Variants in URI1 observed in about 807,000 individuals in gnomAD.
The protein encoded by URI1 is unconventional prefoldin RPB5 interactor 1.
URI1 carries 39 observed loss-of-function variants against 60.2 expected under a neutral mutation model. That is an observed-to-expected ratio of 0.65 (90% CI 0.50 to 0.85). The LOEUF (loss-of-function observed/expected upper bound fraction) is 0.85. URI1 is among the 40% of genes least tolerant of loss of function. URI1 has a pLI of 0.00. For synonymous variants in URI1, 251 were observed against 236.8 expected (o/e 1.06, Z -0.55); for missense variants, 691 against 665.9 (o/e 1.04, Z -0.42).
At chr19:29,973,620 TA>T (rs774992015) in intron 2 of URI1, among the ~76,000 whole-genome samples, 112 of 151,178 alleles carry the variant, frequency 7.4e-4, no homozygotes, top group African/African-American at 2.2e-3. Flanking sequence ...GGTTTTTGTT[TA>T]AAAAAAAATG....
Position 30,007,626 on chromosome 19 carries a change from G to A in URI1, c.674G>A (p.Gly225Asp). 6.2e-7 allele frequency: 1 copy of A among 1,606,164 alleles called. No individual in the cohort carries two copies. Among genetic ancestry groups the A allele is most frequent in the Non-Finnish European group, 8.5e-7 (1 of 1,176,400 alleles). The part of the protein sequence containing the change: ...EELERQEELL[G>D]ELDSKPDTVI... ...CTAGAGAGACAGGAAGAATTGCTGG[G>A]TGAACTTGATAGGTACTTGATGACA... is the stretch of plus-strand genomic sequence containing the variant. The change falls in exon 7 of 11, where the codon GGT becomes GAT. Residue 225 changes from glycine to aspartate, a missense_variant. Physicochemically the swap from Gly to Asp is moderately conservative, Grantham distance 94. Coordinates refer to ENST00000392271, the MANE Select transcript of URI1 (RefSeq NM_003796.3).
At chr19:29,960,023 T>C (rs2055301798) in intron 1 of URI1, among the ~76,000 whole-genome samples, 1 of 152,196 alleles carries the variant, frequency 6.6e-6, no homozygotes, top group Non-Finnish European at 1.5e-5. Flanking sequence ...TATGTCATTT[T>C]CCTTATCAGT....
intron 1 of URI1, among the ~76,000 whole-genome samples, chr19:29,951,704 G>A (rs566664499): frequency 1.3e-4 from 20 of 152,014 alleles, no homozygotes; most frequent in Non-Finnish European, 2.1e-4. Flanking sequence ...CTGCCACCAC[G>A]CCCAGCTACT....
At chr19:29,949,274 G>A (rs1480927718) in intron 1 of URI1, among the ~76,000 whole-genome samples, 1 of 150,956 alleles carries the variant, frequency 6.6e-6, no homozygotes, top group Non-Finnish European at 1.5e-5. Context: ...CCCAGACGGG[G>A]TCGTGGCCGG....
At chr19:29,953,058 TATTC>T (rs916864702) in intron 1 of URI1, among the ~76,000 whole-genome samples, 3 of 152,310 alleles carry the variant, frequency 2.0e-5, no homozygotes, top group Admixed American at 6.5e-5. Flanking sequence ...AATTTCTGTA[TATTC>T]ATTGATTGTT....
At position 30,007,570 on chromosome 19, in the gene URI1, T is replaced by C. The variant is rs1398954765; in HGVS notation, c.618T>C (p.Ala206=). 6.2e-7 allele frequency: 1 copy of C among 1,613,320 alleles called. No individual in the cohort carries two copies. Among genetic ancestry groups the C allele is most frequent in the Admixed American group, 1.7e-5 (1 of 59,930 alleles). Residue 206 remains alanine, a synonymous_variant, in exon 7 of 11, where the codon GCT becomes GCC. Transcript: ENST00000392271. The part of the protein sequence containing the change: ...ANDVKSKDLL[A]DKELWARLEE... ...ATGTGAAATCCAAGGATTTGCTAGC[T>C]GATAAAGAACTGTGGGCTCGACTTG...
chr19:29,994,014 T>C (rs1599711596), intron 4 of URI1, among the ~76,000 whole-genome samples: 1 of 151,290 alleles, frequency 6.6e-6, no homozygotes, highest in African/African-American at 2.4e-5. Flanking sequence ...ATCGTCTTCC[T>C]TTTTTTTTGC....
chr19:29,992,194 C>T (rs532818792), intron 4 of URI1, among the ~76,000 whole-genome samples: 3 of 152,272 alleles, frequency 2.0e-5, no homozygotes, highest in African/African-American at 4.8e-5. Context: ...CTCAGCCTCC[C>T]GAGTAGTGGG....
At chr19:29,951,992 A>G (rs552489377) in intron 1 of URI1, among the ~76,000 whole-genome samples, 1 of 152,348 alleles carries the variant, frequency 6.6e-6, no homozygotes, top group African/African-American at 2.4e-5. Flanking sequence ...AAACCAAGAT[A>G]TGGACACAAG....
At chr19:29,965,141 A>T (rs945921910) in intron 1 of URI1, among the ~76,000 whole-genome samples, 1 of 152,164 alleles carries the variant, frequency 6.6e-6, no homozygotes, top group African/African-American at 2.4e-5. Context: ...TAGCTTGTGC[A>T]GATCCTATAG....
intron 4 of URI1, among the ~76,000 whole-genome samples, chr19:30,000,488 A>G (rs1468167668): frequency 1.3e-5 from 2 of 151,946 alleles, no homozygotes; most frequent in East Asian, 3.8e-4. Context: ...ATGTATCTGA[A>G]TAACTCTTAT....
At chr19:29,930,184 C>T (rs145820981) in intron 1 of URI1, among the ~76,000 whole-genome samples, 1,946 of 152,162 alleles carry the variant, frequency 0.013, 58 homozygotes, top group African/African-American at 0.045. Flanking sequence ...AGTGATCTGC[C>T]CACCTCATCC....
Position 29,933,414 on chromosome 19 carries a change from A to G in URI1, c.63+9660A>G, listed in dbSNP as rs1455504309. On this transcript the variant is annotated intron_variant, in intron 1 of 10. Coordinates refer to the URI1 transcript ENST00000360605. Reference sequence around the variant, plus strand: ...CTGATTTTTTGGAGTACAATTGTTTATAGTATTATCCAATTTATTTCTGCA... The same window carrying G: ...CTGATTTTTTGGAGTACAATTGTTTGTAGTATTATCCAATTTATTTCTGCA... Among the ~76,000 whole-genome samples, 3 of 152,174 alleles carry G rather than the reference A, an allele frequency of 2.0e-5. No individual in the cohort carries two copies. The East Asian group carries it at 5.8e-4, about 29-fold the overall frequency.
chr19:29,925,733 T>G (rs1185483932), intron 1 of URI1: 1 of 152,176 alleles, frequency 6.6e-6, no homozygotes, highest in African/African-American at 2.4e-5. Flanking sequence ...GCTCTGCAGC[T>G]GCCATCTTGA....
chr19:29,942,148 C>T (rs1333153989), upstream of URI1: 1 of 932,530 alleles, frequency 1.1e-6, no homozygotes. Flanking sequence ...TCGCATCAAG[C>T]GCACTCCCCT....
intron 2 of URI1, among the ~76,000 whole-genome samples, chr19:29,975,800 C>A (rs191699396): frequency 5.6e-4 from 86 of 152,284 alleles, no homozygotes; most frequent in East Asian, 2.9e-3. Flanking sequence ...GCCACCGCAC[C>A]CGGCCCCTCA....
chr19:29,959,747 C>T lies in URI1; in HGVS notation c.118-11446C>T, dbSNP rs1471423635. 3.0e-4 allele frequency among the ~76,000 whole-genome samples: 46 copies of T among 151,934 alleles called. 1 individual carries two copies. The highest frequency in any genetic ancestry group is 3.0e-3 in the Admixed American group (46 of 15,268). ...ATTTTTAATTTGTGGGTTTTTTCCT[C>T]CCTTGATTTCTCTTCTTAAGGGTTT... is the stretch of plus-strand genomic sequence containing the variant. On this transcript the variant is annotated intron_variant, in intron 1 of 10. Transcript: ENST00000392271.
intron 4 of URI1, among the ~76,000 whole-genome samples, chr19:29,990,848 A>G (rs990648949): frequency 7.2e-5 from 11 of 152,218 alleles, no homozygotes; most frequent in Non-Finnish European, 4.4e-5. Context: ...TACATTTTAA[A>G]TGGGTGAATT....
rs201902251 is a variant in URI1 at position 30,012,356 on chromosome 19, A to G, written c.1250A>G (p.Asn417Ser). The G allele has an allele frequency of 4.3e-6, 7 of 1,614,224 alleles. No individual in the cohort carries two copies. The highest frequency in any genetic ancestry group is 5.1e-6 in the Non-Finnish European group (6 of 1,180,026). Residue 417 changes from asparagine (N) to serine (S), a missense_variant, in exon 10 of 11, where the codon AAT becomes AGT. By Grantham distance (46) the Asn-to-Ser change is conservative. Coordinates refer to ENST00000392271, the MANE Select transcript of URI1 (RefSeq NM_003796.3). ...KSILKSRSRE[N>S]SVCSDTSESS... ...ATCCTGAAGTCTCGAAGTAGAGAGA[A>G]TAGTGTGTGTAGCGACACTAGTGAA...
Sources: allele counts gnomAD v4.1 joint callset (sites outside exome capture counted in the v4.1 genomes callset), GRCh38; gene constraint gnomAD v4.1.1; transcripts MANE v1.5; gene names NCBI Gene and HGNC (gene_info 2026-07-23, HGNC 2026-07-21).